The following EPHA6 variants were observed in gnomAD, a reference collection of about 807,000 sequenced individuals.
EPHA6 encodes EPH receptor A6.
EPHA6 carries 50 observed loss-of-function variants against 112.0 expected under a neutral mutation model. That is an observed-to-expected ratio of 0.45 (90% confidence interval 0.36 to 0.56). The LOEUF (loss-of-function observed/expected upper bound fraction) is 0.56. Ranked by LOEUF, EPHA6 falls within the 20% of genes least tolerant of loss-of-function variation. The pLI is 0.00. For missense variants in EPHA6, 1,280 were observed against 1,417.4 expected (o/e 0.90, Z 1.56); for synonymous variants, 529 against 490.7 (o/e 1.08, Z -1.03).
chr3:97,606,247 T>C (rs1354225930), intron 12 of EPHA6: 2 of 151,316 alleles, frequency 1.3e-5, no homozygotes, highest in African/African-American at 4.8e-5. Context: ...ACTTGCTACC[T>C]AGTAGGCATT....
intron 5 of EPHA6, among the ~76,000 whole-genome samples, chr3:97,347,620 G>A (rs909298762): frequency 6.6e-6 from 1 of 151,970 alleles, no homozygotes; most frequent in Non-Finnish European, 1.5e-5. Flanking sequence ...ATTTGGAGGG[G>A]GAAAGGGTTA....
At chr3:96,990,299 T>C (rs1365769251) in intron 3 of EPHA6, among the ~76,000 whole-genome samples, 1 of 152,178 alleles carries the variant, frequency 6.6e-6, no homozygotes, top group Non-Finnish European at 1.5e-5. Context: ...TTGGCAAAGA[T>C]AGTTTTGGAC....
At chr3:97,369,865 A>G (rs2084950450) in intron 5 of EPHA6, among the ~76,000 whole-genome samples, 1 of 152,230 alleles carries the variant, frequency 6.6e-6, no homozygotes, top group Non-Finnish European at 1.5e-5. Context: ...CTGCTAATAT[A>G]TAACAGCAAT....
intron 11 of EPHA6, among the ~76,000 whole-genome samples, chr3:97,578,630 A>G (rs1306585071): frequency 6.6e-6 from 1 of 152,222 alleles, no homozygotes; most frequent in Non-Finnish European, 1.5e-5. Context: ...TCAATCATCA[A>G]GTATGAACTG....
At chr3:97,626,497 TG>T (rs2107521154) in intron 13 of EPHA6, among the ~76,000 whole-genome samples, 1 of 151,738 alleles carries the variant, frequency 6.6e-6, no homozygotes, top group African/African-American at 2.4e-5. Flanking sequence ...GGACTGAGGA[TG>T]GTAGTGAAGG....
intron 3 of EPHA6, among the ~76,000 whole-genome samples, chr3:97,133,997 C>G (rs1289642248): frequency 6.6e-6 from 1 of 151,650 alleles, no homozygotes; most frequent in Non-Finnish European, 1.5e-5. Flanking sequence ...CATATTGGAA[C>G]TAAAGGAAAT....
At chr3:97,333,233 T>C (rs1321461012) in intron 5 of EPHA6, among the ~76,000 whole-genome samples, 1 of 152,104 alleles carries the variant, frequency 6.6e-6, no homozygotes, top group African/African-American at 2.4e-5. Context: ...CAATTATATG[T>C]GGTACTGAGT....
In EPHA6 at chr3:97,338,699, A is replaced by G. The variant is rs551525723; in HGVS notation, c.1607-66451A>G. ...CACTTGCCCAGTTTGCAAATTTACC[A>G]TATCACTTAGGAAACTACTGTTTGA... On this transcript the variant is annotated intron_variant, in intron 5 of 17. Transcript: ENST00000389672. 9.8e-5 allele frequency among the ~76,000 whole-genome samples: 15 copies of G among 152,306 alleles called. 1 individual carries two copies. The South Asian group carries it at 2.3e-3, about 23-fold the overall frequency.
chr3:97,286,250 A>T (rs541758466), intron 5 of EPHA6, among the ~76,000 whole-genome samples: 6 of 152,188 alleles, frequency 3.9e-5, no homozygotes, highest in South Asian at 2.1e-4. Context: ...AATATACTCT[A>T]TTACTCCATT....
At chr3:97,506,035 T>C (rs1178216599) in intron 10 of EPHA6, among the ~76,000 whole-genome samples, 1 of 152,170 alleles carries the variant, frequency 6.6e-6, no homozygotes, top group African/African-American at 2.4e-5. Context: ...GATGGGGTTG[T>C]TTTTTTCTCG....
intron 2 of EPHA6, among the ~76,000 whole-genome samples, chr3:96,970,288 G>A (rs1016005579): frequency 5.5e-5 from 7 of 127,366 alleles, no homozygotes; most frequent in South Asian, 2.4e-4. Flanking sequence ...CACACAGAGC[G>A]AGAGAGAGAG....
At chr3:96,943,973 T>C (rs1221814590) in intron 2 of EPHA6, among the ~76,000 whole-genome samples, 2 of 152,250 alleles carry the variant, frequency 1.3e-5, no homozygotes, top group Non-Finnish European at 1.5e-5. Flanking sequence ...TTCTAATAGA[T>C]CATAAATTGT....
chr3:97,043,807 T>C (rs1179383356), intron 3 of EPHA6, among the ~76,000 whole-genome samples: 1 of 152,178 alleles, frequency 6.6e-6, no homozygotes, highest in East Asian at 1.9e-4. Flanking sequence ...CAAAGAAATA[T>C]ATCTGTTCAG....
chr3:97,730,075 C>G (rs1019787460), intron 15 of EPHA6, among the ~76,000 whole-genome samples: 11 of 152,092 alleles, frequency 7.2e-5, no homozygotes, highest in Non-Finnish European at 1.3e-4. Context: ...AGCCTTATAA[C>G]ATAAAAATGT....
At chr3:97,155,636 G>A (rs1251745362) in intron 3 of EPHA6, among the ~76,000 whole-genome samples, 1 of 152,062 alleles carries the variant, frequency 6.6e-6, no homozygotes, top group Non-Finnish European at 1.5e-5. Flanking sequence ...GGTTTTACTA[G>A]GAAGCTCTGG....
intron 5 of EPHA6, among the ~76,000 whole-genome samples, chr3:97,353,703 A>C (rs1410467596): frequency 6.6e-6 from 1 of 152,058 alleles, no homozygotes; most frequent in Non-Finnish European, 1.5e-5. Context: ...GAAAAGTTGC[A>C]CCCCTGAAAG....
chr3:97,177,317 A>T (rs2076863268), intron 3 of EPHA6, among the ~76,000 whole-genome samples: 1 of 151,932 alleles, frequency 6.6e-6, no homozygotes, highest in South Asian at 2.1e-4. Flanking sequence ...CTTGAGAATG[A>T]TCCATCTGCT....
intron 3 of EPHA6, among the ~76,000 whole-genome samples, chr3:97,043,931 A>G (rs1203565290): frequency 1.3e-5 from 2 of 152,264 alleles, no homozygotes; most frequent in East Asian, 3.9e-4. Context: ...CACTGGTTGG[A>G]AATCCCAAAT....
intron 14 of EPHA6, among the ~76,000 whole-genome samples, chr3:97,719,108 C>T (rs1576347527): frequency 7.6e-6 from 1 of 131,220 alleles, no homozygotes; most frequent in East Asian, 2.7e-4. Flanking sequence ...CCACCCCCCC[C>T]GCCGCGGTAA....
Sources: allele counts gnomAD v4.1 joint callset (sites outside exome capture counted in the v4.1 genomes callset), GRCh38; gene constraint gnomAD v4.1.1; transcripts MANE v1.5; gene names NCBI Gene and HGNC (gene_info 2026-07-23, HGNC 2026-07-21).